Variants in PIK3C2G observed in about 807,000 individuals in gnomAD.
The protein encoded by PIK3C2G is phosphatidylinositol-4-phosphate 3-kinase catalytic subunit type 2 gamma.
PIK3C2G carries 168 observed loss-of-function variants against 181.1 expected under a neutral mutation model. That is an observed-to-expected ratio of 0.93 (90% CI 0.82 to 1.05). The LOEUF (loss-of-function observed/expected upper bound fraction) is 1.05. Ranked by LOEUF, PIK3C2G falls within the 50% of genes least tolerant of loss-of-function variation. PIK3C2G has a pLI of 0.00. For missense variants in PIK3C2G, 1,869 were observed against 1,732.8 expected, an observed-to-expected ratio of 1.08 and a Z score of -1.40; for synonymous variants, 573 against 592.2, an observed-to-expected ratio of 0.97 and a Z score of 0.47.
chr12:18,705,483 C>T, the PIK3C2G span, among the ~76,000 whole-genome samples: 301 of 152,170 alleles, frequency 2.0e-3, no homozygotes, highest in African/African-American at 6.8e-3. Flanking sequence ...AAAACAGAGA[C>T]CATTAAATCT....
At chr12:18,719,349 G>C in the PIK3C2G span, 1 of 732,888 alleles carries the variant, frequency 1.4e-6, no homozygotes. Flanking sequence ...TTTTTATTGT[G>C]CACTCTTGCC....
At chr12:18,661,470 A>G in the PIK3C2G span, among the ~76,000 whole-genome samples, 2 of 152,166 alleles carry the variant, frequency 1.3e-5, no homozygotes, top group African/African-American at 2.4e-5. Flanking sequence ...GTGCTAAAAG[A>G]AAAACAACTG....
intron 26 of PIK3C2G, among the ~76,000 whole-genome samples, chr12:18,546,721 G>A (rs540141484): frequency 3.7e-4 from 56 of 152,094 alleles, no homozygotes; most frequent in African/African-American, 1.2e-3. Context: ...AAATAAATTG[G>A]TTGTTCTACT....
At chr12:18,365,431 T>A (rs535163236) in intron 12 of PIK3C2G, among the ~76,000 whole-genome samples, 118 of 152,316 alleles carry the variant, frequency 7.7e-4, no homozygotes, top group African/African-American at 1.7e-3. Flanking sequence ...CAGGCTTTCA[T>A]CACCTCTGCT....
At chr12:18,312,662 C>T (rs930917793) in intron 5 of PIK3C2G, among the ~76,000 whole-genome samples, 1 of 151,926 alleles carries the variant, frequency 6.6e-6, no homozygotes, top group African/African-American at 2.4e-5. Context: ...AACAACTCAG[C>T]GAACAGTGTA....
chr12:18,685,719 T>C, the PIK3C2G span: 1 of 495,724 alleles, frequency 2.0e-6, no homozygotes, highest in Non-Finnish European at 4.0e-6. Flanking sequence ...TCTTTATAGA[T>C]ACTGCAAAAC....
chr12:18,700,560 C>T, the PIK3C2G span, among the ~76,000 whole-genome samples: 1 of 137,750 alleles, frequency 7.3e-6, no homozygotes, highest in African/African-American at 2.6e-5. Context: ...AAGAGATAGG[C>T]ATTCCACTGG....
chr12:18,303,499 C>T (rs949547123), intron 5 of PIK3C2G, among the ~76,000 whole-genome samples: 2 of 152,076 alleles, frequency 1.3e-5, no homozygotes, highest in Admixed American at 6.6e-5. Context: ...CCACGCCTAT[C>T]TAATTTCGAA....
the PIK3C2G span, among the ~76,000 whole-genome samples, chr12:18,679,409 GT>G: frequency 6.6e-6 from 1 of 151,944 alleles, no homozygotes; most frequent in South Asian, 2.1e-4. Context: ...TCTTCTAGAA[GT>G]TTCATAACTT....
intron 22 of PIK3C2G, among the ~76,000 whole-genome samples, chr12:18,500,687 C>A (rs938795921): frequency 1.1e-4 from 16 of 152,140 alleles, no homozygotes; most frequent in African/African-American, 3.4e-4. Flanking sequence ...CAAAACAGAC[C>A]ACTCGGCTCT....
At chr12:18,422,052 G>A (rs1300854676) in intron 17 of PIK3C2G, among the ~76,000 whole-genome samples, 2 of 151,896 alleles carry the variant, frequency 1.3e-5, no homozygotes, top group South Asian at 2.1e-4. Context: ...ATGCTATTTC[G>A]AGCCCAATTC....
At chr12:18,506,115 G>C (rs1343492588) in intron 24 of PIK3C2G, among the ~76,000 whole-genome samples, 3 of 152,174 alleles carry the variant, frequency 2.0e-5, no homozygotes, top group Non-Finnish European at 4.4e-5. Context: ...ACATGACAAA[G>C]AGCTGTGTCC....
At chr12:18,693,898 G>A in the PIK3C2G span, 1 of 1,529,070 alleles carries the variant, frequency 6.5e-7, no homozygotes, top group Non-Finnish European at 9.1e-7. Flanking sequence ...GGATGACGCT[G>A]GCTGATGATG....
intron 1 of PIK3C2G, among the ~76,000 whole-genome samples, chr12:18,275,428 C>G (rs997397945): frequency 2.0e-5 from 3 of 152,076 alleles, no homozygotes; most frequent in African/African-American, 7.2e-5. Flanking sequence ...GTTGCCCAGG[C>G]CGGAGTGCAG....
chr12:18,471,857 G>A (rs544117737), intron 18 of PIK3C2G, among the ~76,000 whole-genome samples: 279 of 152,164 alleles, frequency 1.8e-3, no homozygotes, highest in Non-Finnish European at 2.7e-3. Flanking sequence ...ATAATGCTTA[G>A]TAACATGTTA....
At chr12:18,576,622 A>C (rs1041745948) in intron 29 of PIK3C2G, among the ~76,000 whole-genome samples, 3 of 152,226 alleles carry the variant, frequency 2.0e-5, no homozygotes, top group African/African-American at 7.2e-5. Flanking sequence ...TTGTATGTGC[A>C]TTCTCAATAT....
chr12:18,401,099 G>T (rs780493599), intron 16 of PIK3C2G, among the ~76,000 whole-genome samples: 137 of 152,084 alleles, frequency 9.0e-4, no homozygotes, highest in Admixed American at 2.2e-3. Flanking sequence ...AGCTACTCAA[G>T]GCAAAACAGA....
the PIK3C2G span, among the ~76,000 whole-genome samples, chr12:18,661,266 G>A: frequency 4.9e-3 from 739 of 152,144 alleles, 7 homozygotes; most frequent in African/African-American, 0.017. Context: ...TTCCAAGTGT[G>A]ATGAGATACA....
intron 20 of PIK3C2G, among the ~76,000 whole-genome samples, chr12:18,492,390 A>T (rs1940649747): frequency 6.6e-6 from 1 of 152,228 alleles, no homozygotes; most frequent in Non-Finnish European, 1.5e-5. Flanking sequence ...GTTTTGCTAA[A>T]AACTTGATAC....
Sources: allele counts gnomAD v4.1 joint callset (sites outside exome capture counted in the v4.1 genomes callset), GRCh38; gene constraint gnomAD v4.1.1; transcripts MANE v1.5; gene names NCBI Gene and HGNC (gene_info 2026-07-23, HGNC 2026-07-21).